WDR49: variants seen among roughly 807,000 people sequenced by gnomAD.
The protein encoded by WDR49 is WD repeat domain 49.
Under a neutral mutation model 119.5 loss-of-function variants are expected in WDR49, and 107 were observed. The ratio of observed to expected loss-of-function variants is 0.90; its 90% confidence interval spans 0.77 to 1.05. The LOEUF is 1.05. WDR49 is among the 50% of genes least tolerant of loss of function. The pLI is 0.00. For synonymous variants in WDR49, 425 were observed against 418.8 expected (o/e 1.01, Z -0.18); for missense variants, 1,240 against 1,220.5 (o/e 1.02, Z -0.24).
intron 2 of WDR49, among the ~76,000 whole-genome samples, chr3:167,636,255 G>T (rs1717614676): frequency 6.7e-6 from 1 of 149,612 alleles, no homozygotes; most frequent in Admixed American, 6.7e-5. Flanking sequence ...TAGAATAATA[G>T]TCTCCAGTTA....
intron 16 of WDR49, among the ~76,000 whole-genome samples, chr3:167,519,828 T>G (rs1387084093): frequency 6.6e-6 from 1 of 152,130 alleles, no homozygotes; most frequent in Non-Finnish European, 1.5e-5. Flanking sequence ...TCAGCACTGA[T>G]TTTCATAATA....
intron 15 of WDR49, among the ~76,000 whole-genome samples, chr3:167,523,335 C>A (rs930487770): frequency 6.6e-6 from 1 of 151,324 alleles, no homozygotes; most frequent in Non-Finnish European, 1.5e-5. Flanking sequence ...TAAAGAGAAC[C>A]CATTTTACAT....
chr3:167,482,665 C>A (rs867873042), intron 18 of WDR49, among the ~76,000 whole-genome samples: 1 of 139,826 alleles, frequency 7.2e-6, no homozygotes, highest in Non-Finnish European at 1.5e-5. Flanking sequence ...GGCGACAGAA[C>A]GAGACTCTGT....
At chr3:167,654,457 T>C (rs1465071061), upstream of WDR49, among the ~76,000 whole-genome samples, 1 of 152,132 alleles carries the variant, frequency 6.6e-6, no homozygotes, top group Non-Finnish European at 1.5e-5. Context: ...CTAATAATAA[T>C]GAAAAGGAGG....
chr3:167,496,999 C>T (rs1178202991), intron 18 of WDR49, among the ~76,000 whole-genome samples: 11 of 152,152 alleles, frequency 7.2e-5, no homozygotes, highest in Admixed American at 7.2e-4. Flanking sequence ...TTGACTTCTG[C>T]TCCTTCCTCA....
At chr3:167,588,561 AT>A (rs2108294242) in intron 7 of WDR49, among the ~76,000 whole-genome samples, 1 of 152,264 alleles carries the variant, frequency 6.6e-6, no homozygotes, top group South Asian at 2.1e-4. Context: ...ATGCATGAGA[AT>A]ACCCTTTTAT....
At chr3:167,587,428 G>A (rs887560953) in intron 7 of WDR49, among the ~76,000 whole-genome samples, 2 of 152,130 alleles carry the variant, frequency 1.3e-5, no homozygotes, top group African/African-American at 4.8e-5. Context: ...AGCACTACAA[G>A]GTGCCAAGCA....
At chr3:167,535,493 T>A (rs967149957) in intron 11 of WDR49, among the ~76,000 whole-genome samples, 1 of 152,088 alleles carries the variant, frequency 6.6e-6, no homozygotes, top group Non-Finnish European at 1.5e-5. Context: ...GAAAAAATGT[T>A]CAACATCACT....
At chr3:167,564,007 A>T (rs1713437810) in intron 8 of WDR49, among the ~76,000 whole-genome samples, 1 of 152,262 alleles carries the variant, frequency 6.6e-6, no homozygotes, top group South Asian at 2.1e-4. Flanking sequence ...CATCACCCAC[A>T]TTACAAAGCA....
intron 5 of WDR49, among the ~76,000 whole-genome samples, chr3:167,617,709 C>A (rs1716668271): frequency 6.6e-6 from 1 of 152,126 alleles, no homozygotes; most frequent in Admixed American, 6.5e-5. Context: ...AATTCCCCAG[C>A]TGGAAATGGA....
intron 17 of WDR49, among the ~76,000 whole-genome samples, chr3:167,504,990 A>C (rs1751711283): frequency 6.6e-6 from 1 of 152,196 alleles, no homozygotes; most frequent in African/African-American, 2.4e-5. Context: ...TACAGCCTGC[A>C]GAACTGTGAG....
At position 167,627,252 on chromosome 3, in the gene WDR49, T is replaced by G. The variant is rs946075108; in HGVS notation, c.206A>C (p.Asp69Ala). ...AATCTCTGTCATCTTCTGCGTGAAG[T>G]CTTCTCTGGACATACAAATGATTTT... ...PRKIICMSRE[D>A]FTQKMTEIVG... The change falls in exon 3 of 19, where the codon GAC becomes GCC. Residue 69 changes from aspartate to alanine, a missense_variant. Coordinates refer to ENST00000682715, the MANE Select transcript of WDR49 (RefSeq NM_001366157.1). The G allele has an allele frequency of 5.8e-5, 72 of 1,248,626 alleles. No individual in the cohort carries two copies. The highest frequency in any genetic ancestry group is 6.3e-5 in the Non-Finnish European group (63 of 996,486). 77.3% of individuals were successfully genotyped at this position (1,248,626 alleles called of 1,614,324 possible).
chr3:167,596,787 G>A (rs1458654840), intron 7 of WDR49, among the ~76,000 whole-genome samples: 1 of 150,794 alleles, frequency 6.6e-6, no homozygotes, highest in Non-Finnish European at 1.5e-5. Flanking sequence ...GAGCTAGTGG[G>A]TGCAGCGCAC....
chr3:167,478,946 G>A lies in WDR49; in HGVS notation c.3082C>T (p.His1028Tyr). ...EKNLFPKEIL[H>Y]HERKAKQLCQ... ...AATTGCTTGGCTTTTCGTTCATGAT[G>A]CAGAATTTCCTTGGGAAACAGGTTT... Residue 1028 changes from histidine (H) to tyrosine (Y), a missense_variant, in exon 19 of 19, where the codon CAT becomes TAT. Physicochemically the swap from His to Tyr is moderately conservative, Grantham distance 83. Transcript: ENST00000682715. 1 of 1,608,934 alleles carries A rather than the reference G, an allele frequency of 6.2e-7. No individual in the cohort carries two copies. Among genetic ancestry groups the A allele is most frequent in the Non-Finnish European group, 8.5e-7 (1 of 1,178,750 alleles).
intron 10 of WDR49, among the ~76,000 whole-genome samples, chr3:167,546,165 C>T (rs1251578050): frequency 1.3e-5 from 2 of 151,686 alleles, no homozygotes; most frequent in African/African-American, 4.8e-5. Context: ...TGTCTTTTTG[C>T]CAAGATACTC....
At chr3:167,590,753 T>C (rs1715067794) in intron 7 of WDR49, among the ~76,000 whole-genome samples, 1 of 152,178 alleles carries the variant, frequency 6.6e-6, no homozygotes, top group East Asian at 1.9e-4. Context: ...TAATATATCC[T>C]TTTTCATCTG....
At chr3:167,613,030 A>G (rs561643695) in intron 5 of WDR49, among the ~76,000 whole-genome samples, 1 of 152,310 alleles carries the variant, frequency 6.6e-6, no homozygotes, top group South Asian at 2.1e-4. Context: ...TGTATATTTT[A>G]AAATAACTTA....
chr3:167,593,408 G>A (rs1715240096), intron 7 of WDR49, among the ~76,000 whole-genome samples: 1 of 151,456 alleles, frequency 6.6e-6, no homozygotes, highest in Admixed American at 6.6e-5. Flanking sequence ...ACATTCTTCA[G>A]TTTGTCAATT....
chr3:167,500,220 C>A lies in WDR49; in HGVS notation c.2964G>T (p.Glu988Asp). The A allele has an allele frequency of 6.3e-7, 1 of 1,599,788 alleles. No homozygotes were observed. Among genetic ancestry groups the A allele is most frequent in the Non-Finnish European group, 8.5e-7 (1 of 1,176,240 alleles). Reference protein sequence around the residue: ...VNKPAFLLDPEKYFRKEPEEE... With the variant: ...VNKPAFLLDPDKYFRKEPEEE... ...CCTCTGGTTCTTTCCTAAAGTATTTCTCAGGGTCTAGAAGGAAAGCAGGTT... is the reference window on the plus strand; with the variant it reads ...CCTCTGGTTCTTTCCTAAAGTATTTATCAGGGTCTAGAAGGAAAGCAGGTT... Residue 988 changes from glutamate to aspartate, a missense_variant, in exon 18 of 19, where the codon GAG (glutamate) becomes GAT (aspartate). Coordinates refer to ENST00000682715, the MANE Select transcript of WDR49 (RefSeq NM_001366157.1).
Sources: allele counts gnomAD v4.1 joint callset (sites outside exome capture counted in the v4.1 genomes callset), GRCh38; gene constraint gnomAD v4.1.1; transcripts MANE v1.5; gene names NCBI Gene and HGNC (gene_info 2026-07-23, HGNC 2026-07-21).